SLC27A6: variants seen among roughly 807,000 people sequenced by gnomAD.
The protein encoded by SLC27A6 is long-chain fatty acid transport protein 6.
SLC27A6 carries 74 observed loss-of-function variants against 63.9 expected under a neutral mutation model. That is an observed-to-expected ratio of 1.16 (90% CI 0.96 to 1.40). SLC27A6 has a LOEUF of 1.40. Among genes scored for constraint, SLC27A6 ranks in the 40% most tolerant of loss-of-function variants. SLC27A6 has a pLI of 0.00. For synonymous variants in SLC27A6, 287 were observed against 260.8 expected (o/e 1.10, Z -0.97); for missense variants, 794 against 732.9 (o/e 1.08, Z -0.96).
intron 1 of SLC27A6, among the ~76,000 whole-genome samples, chr5:128,971,044 C>T (rs969527968): frequency 5.3e-5 from 8 of 152,176 alleles, no homozygotes; most frequent in African/African-American, 1.9e-4. Context: ...GCAGGTTGTT[C>T]AGTTTCCATG....
At chr5:128,996,928 T>C (rs1032083572) in intron 4 of SLC27A6, among the ~76,000 whole-genome samples, 1 of 152,178 alleles carries the variant, frequency 6.6e-6, no homozygotes, top group Non-Finnish European at 1.5e-5. Flanking sequence ...GCTAAAATCT[T>C]GGCTTTACTT....
intron 4 of SLC27A6, among the ~76,000 whole-genome samples, chr5:129,009,621 A>G (rs1219083409): frequency 1.3e-5 from 2 of 152,012 alleles, no homozygotes; most frequent in Non-Finnish European, 2.9e-5. Flanking sequence ...TTAGCTTTCT[A>G]ATGTCTATCA....
Position 129,028,360 on chromosome 5 carries a change from T to C in SLC27A6, c.1470T>C (p.Asn490=). The C allele has an allele frequency of 6.2e-7, 1 of 1,608,614 alleles. No homozygotes were observed. The highest frequency in any genetic ancestry group is 1.3e-5 in the African/African-American group (1 of 74,746). Residue 490 remains asparagine, a synonymous_variant, in exon 8 of 10, where the codon AAT becomes AAC. Coordinates refer to ENST00000262462, the MANE Select transcript of SLC27A6 (RefSeq NM_001017372.3). ...TGDTFRWKGE[N]VATTEVADVI... The stretch of plus-strand genomic sequence containing the variant: ...TTTCATTTAGATGGAAAGGAGAAAA[T>C]GTCGCAACCACTGAGGTTGCTGATG...
chr5:129,002,538 C>T (rs1751379606), intron 4 of SLC27A6, among the ~76,000 whole-genome samples: 1 of 151,804 alleles, frequency 6.6e-6, no homozygotes, highest in Non-Finnish European at 1.5e-5. Flanking sequence ...CCCACCCTCC[C>T]TCACTCCCTC....
chr5:128,970,770 C>G (rs1750121551), intron 1 of SLC27A6, among the ~76,000 whole-genome samples: 1 of 149,560 alleles, frequency 6.7e-6, no homozygotes, highest in South Asian at 2.1e-4. Flanking sequence ...CAGTTCTGCT[C>G]TGATCTTAGT....
rs528515366 is a variant in SLC27A6 at position 129,033,004 on chromosome 5, T to C, written c.1684-102T>C. On this transcript the variant is annotated intron_variant, in intron 9 of 9. Transcript: ENST00000262462. ...ATTAGAAAATACAGAGATCACTAGA[T>C]ATAAAGTGTCATAATTTAATATTAC... 8 of 596,880 alleles carry C rather than the reference T, an allele frequency of 1.3e-5. No individual in the cohort carries two copies. The South Asian group carries it at 2.5e-4, about 19-fold the overall frequency. The allele number at this position is 596,880 out of a possible 1,614,324, so 37.0% of individuals were successfully genotyped here.
intron 4 of SLC27A6, among the ~76,000 whole-genome samples, chr5:128,994,830 G>T (rs1167147538): frequency 6.6e-6 from 1 of 152,144 alleles, no homozygotes; most frequent in African/African-American, 2.4e-5. Flanking sequence ...GGCTTTCTAT[G>T]GCCAGAAGCA....
intron 5 of SLC27A6, 28 bp from the exon 6 acceptor site, chr5:129,023,592 T>C: frequency 6.6e-7 from 1 of 1,510,376 alleles, no homozygotes; most frequent in Non-Finnish European, 9.1e-7. Flanking sequence ...AATGCTTGTT[T>C]CTATTTGTTT....
At position 129,016,024 on chromosome 5, in the gene SLC27A6, T is replaced by A. The variant is rs777599074; in HGVS notation, c.1109T>A (p.Phe370Tyr). Residue 370 changes from phenylalanine to tyrosine, a missense_variant, in exon 5 of 10, where the codon TTC (phenylalanine) becomes TAC (tyrosine). Coordinates refer to ENST00000262462, the MANE Select transcript of SLC27A6 (RefSeq NM_001017372.3). Reference protein sequence around the residue: ...LYAATESSISFMNYTGRIGAI... With the variant: ...LYAATESSISYMNYTGRIGAI... ...GCAGCTACCGAATCAAGCATATCTTTCATGAACTACACTGGGAGAATTGGA... is the reference window on the plus strand; with the variant it reads ...GCAGCTACCGAATCAAGCATATCTTACATGAACTACACTGGGAGAATTGGA... 2 of 1,606,334 alleles carry A rather than the reference T, an allele frequency of 1.2e-6. No individual in the cohort carries two copies. Among genetic ancestry groups the A allele is most frequent in the Non-Finnish European group, 1.7e-6 (2 of 1,178,060 alleles).
chr5:129,027,422 A>T, intron 7 of SLC27A6, 91 bp downstream of exon 7: 1 of 947,126 alleles, frequency 1.1e-6, no homozygotes, highest in Admixed American at 2.2e-5. Flanking sequence ...TTTAGCTTTC[A>T]GGGCAGACAG....
chr5:128,984,052 A>G lies in SLC27A6; in HGVS notation c.482-1081A>G, dbSNP rs192242920. 5.6e-4 allele frequency among the ~76,000 whole-genome samples: 86 copies of G among 152,338 alleles called. No individual in the cohort carries two copies. The South Asian group carries it at 0.013, about 23-fold the overall frequency. On this transcript the variant is annotated intron_variant, in intron 1 of 9. Transcript: ENST00000262462. ...CCCTTGAACCTTCTAAATGTATAGC[A>G]TATTATAGAAATAAGGAAGTAAAAT... is the stretch of plus-strand genomic sequence containing the variant.
intron 4 of SLC27A6, among the ~76,000 whole-genome samples, chr5:129,012,903 TC>T (rs959753546): frequency 1.3e-5 from 2 of 152,000 alleles, no homozygotes; most frequent in African/African-American, 2.4e-5. Context: ...AGTTTTTTTT[TC>T]CATGATTACA....
At chr5:129,028,271 C>T (rs996607550) in intron 7 of SLC27A6, 74 bp from the exon 8 acceptor site, 10 of 938,878 alleles carry the variant, frequency 1.1e-5, no homozygotes, top group Admixed American at 3.6e-5. Flanking sequence ...AAATGCAAGA[C>T]ATTAAAACTA....
At chr5:128,987,359 G>T (rs1437114001) in intron 2 of SLC27A6, among the ~76,000 whole-genome samples, 1 of 152,028 alleles carries the variant, frequency 6.6e-6, no homozygotes, top group Admixed American at 6.6e-5. Context: ...CAGACACAGA[G>T]ATTCTAGTTA....
chr5:128,979,697 A>G (rs1336760029), intron 1 of SLC27A6, among the ~76,000 whole-genome samples: 3 of 152,108 alleles, frequency 2.0e-5, no homozygotes, highest in Non-Finnish European at 4.4e-5. Flanking sequence ...TCTTTTTTGT[A>G]TAATTTTGGT....
chr5:128,989,047 T>A (rs1474627053), intron 3 of SLC27A6, among the ~76,000 whole-genome samples: 1 of 152,184 alleles, frequency 6.6e-6, no homozygotes, highest in Non-Finnish European at 1.5e-5. Flanking sequence ...CTACCCCAGA[T>A]TCCTCAAATG....
chr5:129,004,271 C>G (rs918628182), intron 4 of SLC27A6, among the ~76,000 whole-genome samples: 2 of 152,114 alleles, frequency 1.3e-5, no homozygotes, highest in Non-Finnish European at 2.9e-5. Flanking sequence ...TTGACTCTGT[C>G]TTTTTTTCTG....
At chr5:129,016,613 G>T (rs1411406247) in intron 5 of SLC27A6, among the ~76,000 whole-genome samples, 1 of 151,266 alleles carries the variant, frequency 6.6e-6, no homozygotes, top group Non-Finnish European at 1.5e-5. Flanking sequence ...CCATAATGAT[G>T]CCTTTTCTTG....
chr5:128,968,702 A>G (rs1750010278), intron 1 of SLC27A6, among the ~76,000 whole-genome samples: 1 of 152,086 alleles, frequency 6.6e-6, no homozygotes, highest in Non-Finnish European at 1.5e-5. Context: ...ATTTTCTCCC[A>G]TTCTATAGGT....
Sources: allele counts gnomAD v4.1 joint callset (sites outside exome capture counted in the v4.1 genomes callset), GRCh38; gene constraint gnomAD v4.1.1; transcripts MANE v1.5; gene names NCBI Gene and HGNC (gene_info 2026-07-23, HGNC 2026-07-21).